The following ST8SIA6 variants were observed in gnomAD, a reference collection of about 807,000 sequenced individuals.
ST8SIA6 encodes the protein alpha-2,8-sialyltransferase 8F.
In ST8SIA6, 39 loss-of-function variants were observed where a neutral mutation model predicts 33.6. The observed-to-expected ratio is 1.16, with a 90% confidence interval of 0.90 to 1.52. The LOEUF is 1.52. Ranked by LOEUF, ST8SIA6 falls within the 40% of genes most tolerant of loss-of-function variation. ST8SIA6 has a pLI of 0.00. For missense variants in ST8SIA6, 441 were observed against 443.8 expected, an observed-to-expected ratio of 0.99 and a Z score of 0.06; for synonymous variants, 172 against 167.2, an observed-to-expected ratio of 1.03 and a Z score of -0.22.
chr10:17,418,336 C>A, intron 2 of ST8SIA6, among the ~76,000 whole-genome samples: 1 of 152,148 alleles, frequency 6.6e-6, no homozygotes, highest in South Asian at 2.1e-4. Context: ...GCATGTGCCA[C>A]CATGTGCAGC....
At chr10:17,425,640 A>AGAAG (rs908168603) in intron 2 of ST8SIA6, among the ~76,000 whole-genome samples, 3 of 149,082 alleles carry the variant, frequency 2.0e-5, no homozygotes, top group Non-Finnish European at 4.5e-5. Context: ...AAAGAGAGGA[A>AGAAG]GAAAGGAGGG....
At chr10:17,336,375 C>T (rs998134377) in intron 4 of ST8SIA6, among the ~76,000 whole-genome samples, 2 of 152,126 alleles carry the variant, frequency 1.3e-5, no homozygotes, top group Admixed American at 1.3e-4. Context: ...ATTAACTTTT[C>T]ACTATATTTG....
intron 4 of ST8SIA6, among the ~76,000 whole-genome samples, chr10:17,349,935 AAC>A (rs72378605): frequency 0.19 from 28,530 of 151,192 alleles, 2,784 homozygotes; most frequent in African/African-American, 0.23. Flanking sequence ...AAATTAAATA[AAC>A]ACACACACAC....
At chr10:17,353,501 G>T (rs7896970) in intron 4 of ST8SIA6, among the ~76,000 whole-genome samples, 31,685 of 152,042 alleles carry the variant, frequency 0.21, 3,482 homozygotes, top group African/African-American at 0.28. Context: ...ATGAAAGCAA[G>T]ATGGTGACTG....
intron 4 of ST8SIA6, 104 bp from the exon 5 acceptor site, chr10:17,331,656 T>C: frequency 8.5e-7 from 1 of 1,172,230 alleles, no homozygotes; most frequent in Non-Finnish European, 1.1e-6. Flanking sequence ...AAACTGACTT[T>C]CAAAAAGAAG....
intron 3 of ST8SIA6, among the ~76,000 whole-genome samples, chr10:17,384,922 A>T (rs917775191): frequency 2.0e-5 from 3 of 152,188 alleles, no homozygotes; most frequent in Non-Finnish European, 2.9e-5. Context: ...TGCTAAAATG[A>T]ACTTTCGGGA....
At chr10:17,386,474 G>A (rs1241766190) in intron 3 of ST8SIA6, among the ~76,000 whole-genome samples, 1 of 152,186 alleles carries the variant, frequency 6.6e-6, no homozygotes, top group African/African-American at 2.4e-5. Flanking sequence ...GGGAGGTGGA[G>A]GTTGCAGTGA....
intron 6 of ST8SIA6, 71 bp from the exon 7 acceptor site, chr10:17,323,228 C>T (rs1021618751): frequency 2.9e-4 from 258 of 886,106 alleles, no homozygotes; most frequent in East Asian, 5.8e-4. Flanking sequence ...CACATATGCG[C>T]GCACACACAC....
intron 3 of ST8SIA6, among the ~76,000 whole-genome samples, chr10:17,390,253 G>T (rs1850536822): frequency 6.6e-6 from 1 of 152,122 alleles, no homozygotes; most frequent in African/African-American, 2.4e-5. Context: ...CAAGCACTGG[G>T]ATTACAGCCA....
At chr10:17,322,660 A>G (rs1480212078) in intron 7 of ST8SIA6, among the ~76,000 whole-genome samples, 1 of 152,158 alleles carries the variant, frequency 6.6e-6, no homozygotes, top group Non-Finnish European at 1.5e-5. Flanking sequence ...ATAAACTCTA[A>G]CTTGATAACT....
At chr10:17,407,088 G>A (rs567395257) in intron 2 of ST8SIA6, among the ~76,000 whole-genome samples, 6 of 151,964 alleles carry the variant, frequency 3.9e-5, no homozygotes, top group South Asian at 2.1e-4. Context: ...CACCACGTCC[G>A]GCTACTGAGG....
In ST8SIA6 at chr10:17,323,110, C is replaced by T. The variant is rs1039632445; in HGVS notation, c.683G>A (p.Ser228Asn). 1.2e-6 allele frequency: 2 copies of T among 1,613,768 alleles called. No individual in the cohort carries two copies. Among genetic ancestry groups the T allele is most frequent in the Non-Finnish European group, 1.7e-6 (2 of 1,179,824 alleles). Residue 228 changes from serine to asparagine, a missense_variant, in exon 7 of 8, where the codon AGT becomes AAT. Coordinates refer to ENST00000377602, the MANE Select transcript of ST8SIA6 (RefSeq NM_001004470.3). ...TTGDVSKDVGSKTNLVTINPS... is the reference protein window; with the variant it reads ...TTGDVSKDVGNKTNLVTINPS... ...ATTTATAGTCACAAGATTTGTTTTACTGCCAACATCTTTACTAACATCTCC... is the reference window on the plus strand; with the variant it reads ...ATTTATAGTCACAAGATTTGTTTTATTGCCAACATCTTTACTAACATCTCC...
At chr10:17,402,853 A>C (rs983089832) in intron 2 of ST8SIA6, among the ~76,000 whole-genome samples, 1 of 152,210 alleles carries the variant, frequency 6.6e-6, no homozygotes, top group African/African-American at 2.4e-5. Context: ...GCAGCACACC[A>C]ACATGGCACA....
chr10:17,368,182 G>A (rs566123404), intron 3 of ST8SIA6, among the ~76,000 whole-genome samples: 26 of 147,810 alleles, frequency 1.8e-4, no homozygotes, highest in Non-Finnish European at 2.4e-4. Context: ...GATCACCTGA[G>A]GTCAGGAGTT....
intron 4 of ST8SIA6, among the ~76,000 whole-genome samples, chr10:17,343,317 A>G (rs1375239369): frequency 6.6e-6 from 1 of 152,236 alleles, no homozygotes; most frequent in Non-Finnish European, 1.5e-5. Flanking sequence ...AACCACAGGA[A>G]GAAAAATCAA....
intron 2 of ST8SIA6, among the ~76,000 whole-genome samples, chr10:17,419,067 C>G (rs1238879698): frequency 6.8e-6 from 1 of 146,926 alleles, no homozygotes; most frequent in Admixed American, 6.9e-5. Flanking sequence ...AAATCTTTAT[C>G]TTCCCTTTAC....
chr10:17,328,688 A>C (rs1848209093), intron 5 of ST8SIA6, among the ~76,000 whole-genome samples: 1 of 152,150 alleles, frequency 6.6e-6, no homozygotes, highest in South Asian at 2.1e-4. Context: ...CACAGCTTTC[A>C]ATACCCATCT....
chr10:17,422,832 C>T (rs77982633), intron 2 of ST8SIA6, among the ~76,000 whole-genome samples: 4,937 of 152,074 alleles, frequency 0.032, 81 homozygotes, highest in South Asian at 0.055. Flanking sequence ...GCTAAAATTT[C>T]CAAAATTAAA....
intron 3 of ST8SIA6, among the ~76,000 whole-genome samples, chr10:17,379,152 C>A (rs796991964): frequency 6.7e-5 from 10 of 150,180 alleles, no homozygotes; most frequent in African/African-American, 2.2e-4. Flanking sequence ...ACAAAAAAAA[C>A]CGAAGGGACT....
Sources: gnomAD v4.1 joint callset for allele counts (sites outside exome capture counted in the v4.1 genomes callset) on GRCh38, gnomAD v4.1.1 for gene constraint, MANE v1.5 for transcripts, NCBI Gene and HGNC (gene_info 2026-07-23, HGNC 2026-07-21) for gene names.